ENTREP2: variants seen among roughly 807,000 people sequenced by gnomAD.
ENTREP2 encodes protein ENTREP2.
the ENTREP2 span, among the ~76,000 whole-genome samples, chr15:29,402,281 T>C: frequency 7.5e-6 from 1 of 132,810 alleles, no homozygotes; most frequent in Non-Finnish European, 1.6e-5. Flanking sequence ...CACATATATA[T>C]GTATATTGTA....
chr15:29,252,474 G>A, the ENTREP2 span: 14 of 1,540,974 alleles, frequency 9.1e-6, no homozygotes, highest in Non-Finnish European at 1.2e-5. Flanking sequence ...CATGAAAAAG[G>A]TTATCTGGAA....
chr15:29,310,664 T>C, the ENTREP2 span, among the ~76,000 whole-genome samples: 1 of 151,988 alleles, frequency 6.6e-6, no homozygotes, highest in East Asian at 1.9e-4. Context: ...GGAGAGTGGG[T>C]ACATCAAGGT....
the ENTREP2 span, among the ~76,000 whole-genome samples, chr15:29,250,322 G>T: frequency 6.6e-6 from 1 of 152,198 alleles, no homozygotes; most frequent in Non-Finnish European, 1.5e-5. Flanking sequence ...AGCCAAGGCA[G>T]AGGGACACCT....
chr15:29,489,108 TGTTAA>T, the ENTREP2 span, among the ~76,000 whole-genome samples: 44 of 151,862 alleles, frequency 2.9e-4, no homozygotes, highest in Admixed American at 5.9e-4. Context: ...AAATTATTAC[TGTTAA>T]GTTAATTTCA....
At chr15:29,291,591 C>T in the ENTREP2 span, among the ~76,000 whole-genome samples, 1 of 152,200 alleles carries the variant, frequency 6.6e-6, no homozygotes, top group Admixed American at 6.5e-5. Context: ...ACCCCCAGCT[C>T]TCAGCATGGT....
the ENTREP2 span, among the ~76,000 whole-genome samples, chr15:29,174,271 C>G: frequency 2.6e-5 from 4 of 152,064 alleles, no homozygotes; most frequent in African/African-American, 9.7e-5. Context: ...ATTTTTTTCT[C>G]CATGTATCAG....
the ENTREP2 span, chr15:29,136,504 GA>G: frequency 6.5e-7 from 1 of 1,547,226 alleles, no homozygotes. Context: ...GGAGGCCCCT[GA>G]AAAGACAGAA....
chr15:29,493,220 G>A, the ENTREP2 span, among the ~76,000 whole-genome samples: 5 of 110,904 alleles, frequency 4.5e-5, no homozygotes, highest in East Asian at 6.6e-4. Flanking sequence ...TGCAAGCTCC[G>A]CCTCCCGGGT....
chr15:29,269,398 T>G, the ENTREP2 span: 1 of 1,614,146 alleles, frequency 6.2e-7, no homozygotes, highest in Non-Finnish European at 8.5e-7. Flanking sequence ...GATCGGAATC[T>G]TCTTCTGGTC....
the ENTREP2 span, chr15:29,269,777 C>G: frequency 7.4e-7 from 1 of 1,352,854 alleles, no homozygotes. Flanking sequence ...GGTCGGCGAC[C>G]CGCTAACGCC....
the ENTREP2 span, among the ~76,000 whole-genome samples, chr15:29,139,956 G>A: frequency 6.6e-6 from 1 of 152,172 alleles, no homozygotes; most frequent in Non-Finnish European, 1.5e-5. Flanking sequence ...CCAGGCTGCC[G>A]TGCCTGGGCT....
At chr15:29,569,293 ACACCT>A in the ENTREP2 span, among the ~76,000 whole-genome samples, 2 of 152,340 alleles carry the variant, frequency 1.3e-5, no homozygotes, top group African/African-American at 4.8e-5. Flanking sequence ...ATGAACAACC[ACACCT>A]GTATCGATCG....
chr15:29,164,597 T>C, the ENTREP2 span, among the ~76,000 whole-genome samples: 1 of 152,300 alleles, frequency 6.6e-6, no homozygotes, highest in Non-Finnish European at 1.5e-5. Context: ...CATTATATAA[T>C]AGTAAAAGGC....
the ENTREP2 span, among the ~76,000 whole-genome samples, chr15:29,662,217 A>G: frequency 6.9e-6 from 1 of 144,044 alleles, no homozygotes; most frequent in African/African-American, 2.8e-5. Context: ...GTCGCAAAAA[A>G]AAAAAAAAAA....
chr15:29,507,949 T>C, the ENTREP2 span, among the ~76,000 whole-genome samples: 1 of 151,876 alleles, frequency 6.6e-6, no homozygotes, highest in Non-Finnish European at 1.5e-5. Context: ...CTTCAAAAAA[T>C]CAGTGAATCC....
the ENTREP2 span, among the ~76,000 whole-genome samples, chr15:29,402,392 T>C: frequency 6.6e-6 from 1 of 152,080 alleles, no homozygotes; most frequent in Non-Finnish European, 1.5e-5. Context: ...CACAGCTCAC[T>C]GTGACCTCCA....
chr15:29,386,954 T>C, the ENTREP2 span, among the ~76,000 whole-genome samples: 5 of 152,282 alleles, frequency 3.3e-5, no homozygotes, highest in South Asian at 1.0e-3. Flanking sequence ...ACAGGGACAA[T>C]TTGACTTCCT....
the ENTREP2 span, among the ~76,000 whole-genome samples, chr15:29,160,371 G>C: frequency 6.6e-6 from 1 of 152,170 alleles, no homozygotes; most frequent in Non-Finnish European, 1.5e-5. Flanking sequence ...GCCAAAGTGG[G>C]AGCCCAGGCA....
At chr15:29,598,790 A>G in the ENTREP2 span, among the ~76,000 whole-genome samples, 110,025 of 151,936 alleles carry the variant, frequency 0.72, 39,989 homozygotes, top group South Asian at 0.8. Flanking sequence ...TTCACCTCTC[A>G]GGTTCACGCT....
Sources: allele counts gnomAD v4.1 joint callset (sites outside exome capture counted in the v4.1 genomes callset), GRCh38; gene constraint gnomAD v4.1.1; transcripts MANE v1.5; gene names NCBI Gene and HGNC (gene_info 2026-07-23, HGNC 2026-07-21).